Variants in TENM3 observed in about 807,000 individuals in gnomAD.
TENM3 encodes teneurin-3.
Under a neutral mutation model 255.1 loss-of-function variants are expected in TENM3, and 63 were observed. That is an observed-to-expected ratio of 0.25 (90% CI 0.20 to 0.30). The LOEUF is 0.30. TENM3 is among the 10% of genes least tolerant of loss of function. The probability of loss-of-function intolerance (pLI) is 1.00; values close to 1 mark genes in which losing one functional copy is unlikely to be tolerated. For synonymous variants in TENM3, 1,306 were observed against 1,322.3 expected (o/e 0.99, Z 0.27); for missense variants, 2,929 against 3,461.1 (o/e 0.85, Z 3.86).
chr4:181,571,189 A>T, the TENM3 span, among the ~76,000 whole-genome samples: 1 of 152,100 alleles, frequency 6.6e-6, no homozygotes, highest in South Asian at 2.1e-4. Context: ...GTGTCTTCGG[A>T]ATTCGAGGAA....
At chr4:182,584,274 G>C (rs1745790148) in intron 3 of TENM3, among the ~76,000 whole-genome samples, 1 of 152,176 alleles carries the variant, frequency 6.6e-6, no homozygotes, top group Admixed American at 6.5e-5. Context: ...TTGCTGATGG[G>C]AACTATGACA....
chr4:182,755,326 A>T, intron 22 of TENM3, 67 bp downstream of exon 22: 1 of 1,298,302 alleles, frequency 7.7e-7, no homozygotes, highest in Non-Finnish European at 1.0e-6. Flanking sequence ...CTATAATAAC[A>T]ATATAATCTT....
At chr4:182,047,290 G>T in the TENM3 span, among the ~76,000 whole-genome samples, 3 of 152,052 alleles carry the variant, frequency 2.0e-5, no homozygotes. Context: ...TAGGCTGGAC[G>T]CAGTGGCTCA....
At chr4:182,779,072 T>C (rs1250433553) in intron 24 of TENM3, among the ~76,000 whole-genome samples, 8 of 149,646 alleles carry the variant, frequency 5.3e-5, no homozygotes, top group Admixed American at 6.6e-5. Context: ...TTTTTTTTAT[T>C]ATACTTTAAG....
At chr4:182,071,747 G>C in the TENM3 span, among the ~76,000 whole-genome samples, 1 of 152,058 alleles carries the variant, frequency 6.6e-6, no homozygotes, top group South Asian at 2.1e-4. Context: ...TTCTCTCCTA[G>C]CTATTTTGAA....
chr4:181,855,414 A>T, the TENM3 span, among the ~76,000 whole-genome samples: 1 of 152,204 alleles, frequency 6.6e-6, no homozygotes, highest in African/African-American at 2.4e-5. Context: ...CCCAACATGA[A>T]ATGAGGAAAA....
intron 3 of TENM3, among the ~76,000 whole-genome samples, chr4:182,506,476 A>G (rs1736831403): frequency 6.6e-6 from 1 of 152,206 alleles, no homozygotes; most frequent in Admixed American, 6.5e-5. Flanking sequence ...CATGGTGCTT[A>G]AAAAGTGTCT....
chr4:182,322,989 C>T (rs1376717122), intron 1 of TENM3, among the ~76,000 whole-genome samples: 2 of 151,992 alleles, frequency 1.3e-5, no homozygotes, highest in African/African-American at 4.8e-5. Context: ...ATAAAGCCTT[C>T]GGGGTCCTTC....
the TENM3 span, among the ~76,000 whole-genome samples, chr4:182,082,224 C>T: frequency 6.6e-6 from 1 of 152,120 alleles, no homozygotes; most frequent in African/African-American, 2.4e-5. Context: ...CTTTCTTGTT[C>T]GTAGGTGGCA....
chr4:182,497,509 A>T (rs998561899), intron 3 of TENM3, among the ~76,000 whole-genome samples: 6 of 152,174 alleles, frequency 3.9e-5, no homozygotes, highest in Non-Finnish European at 7.3e-5. Flanking sequence ...AAAAATATGG[A>T]ACATTTTACA....
At position 182,679,654 on chromosome 4, in the gene TENM3, T is replaced by C; in HGVS notation, c.1327-12T>C. ...TTATCTTTCTGACTATTTTTCCTCG[T>C]CCTCCCCCCAGTATGACTTCGTGGA... is the stretch of plus-strand genomic sequence containing the variant. On this transcript the variant is annotated splice_polypyrimidine_tract_variant and intron_variant, in intron 7 of 27. Coordinates refer to ENST00000511685, the MANE Select transcript of TENM3 (RefSeq NM_001080477.4). 6.2e-7 allele frequency: 1 copy of C among 1,602,874 alleles called. No homozygotes were observed. Among genetic ancestry groups the C allele is most frequent in the Non-Finnish European group, 8.5e-7 (1 of 1,173,692 alleles).
At chr4:181,504,622 C>A in the TENM3 span, among the ~76,000 whole-genome samples, 601 of 152,288 alleles carry the variant, frequency 3.9e-3, 6 homozygotes, top group African/African-American at 0.014. Context: ...TACAGTGCAA[C>A]TACAATCCAG....
the TENM3 span, among the ~76,000 whole-genome samples, chr4:181,665,188 C>T: frequency 6.6e-6 from 1 of 152,182 alleles, no homozygotes; most frequent in Non-Finnish European, 1.5e-5. Flanking sequence ...GGCACCAGAA[C>T]ATCATCTCTT....
At chr4:181,681,522 C>T in the TENM3 span, among the ~76,000 whole-genome samples, 1 of 152,078 alleles carries the variant, frequency 6.6e-6, no homozygotes, top group East Asian at 1.9e-4. Flanking sequence ...TTCTTTATTG[C>T]CTAGATGCAA....
chr4:182,356,721 T>A (rs535778591), intron 3 of TENM3, among the ~76,000 whole-genome samples: 12 of 151,996 alleles, frequency 7.9e-5, no homozygotes, highest in South Asian at 6.2e-4. Context: ...TTATTATTTT[T>A]TTATTATTAT....
intron 1 of TENM3, among the ~76,000 whole-genome samples, chr4:182,159,065 C>T (rs531078493): frequency 2.5e-4 from 38 of 152,328 alleles, no homozygotes; most frequent in African/African-American, 8.9e-4. Flanking sequence ...TGCCTCGTCT[C>T]TGACCCTTAT....
In TENM3 at chr4:182,775,207, T is replaced by C. The variant is rs950448016; in HGVS notation, c.5304+54T>C. The stretch of plus-strand genomic sequence containing the variant: ...GCTGCAGCCCTCTGATCTGTGCAGA[T>C]CATCCTGAGGGCAGGTTGCGTCTCC... On this transcript the variant is annotated intron_variant, in intron 24 of 27. Coordinates refer to ENST00000511685, the MANE Select transcript of TENM3 (RefSeq NM_001080477.4). The C allele has an allele frequency of 3.2e-6, 5 of 1,538,970 alleles. No homozygotes were observed. The Middle Eastern group carries it at 5.2e-4, about 159-fold the overall frequency.
chr4:181,803,939 C>CAAAAAAAA, the TENM3 span, among the ~76,000 whole-genome samples: 1 of 117,560 alleles, frequency 8.5e-6, no homozygotes, highest in Non-Finnish European at 1.7e-5. Context: ...ATTATCTCAA[C>CAAAAAAAA]AAAAAAAAAA....
chr4:181,454,691 T>TTTTTTTTTTTC, the TENM3 span, among the ~76,000 whole-genome samples: 1 of 150,138 alleles, frequency 6.7e-6, no homozygotes, highest in East Asian at 2.0e-4. Flanking sequence ...ACTTTTTTTT[T>TTTTTTTTTTTC]CTGGTGTGCC....
Sources: allele counts gnomAD v4.1 joint callset (sites outside exome capture counted in the v4.1 genomes callset), GRCh38; gene constraint gnomAD v4.1.1; transcripts MANE v1.5; gene names NCBI Gene and HGNC (gene_info 2026-07-23, HGNC 2026-07-21).